The following TUT1 variants were observed in gnomAD, a reference collection of about 807,000 sequenced individuals.
The protein encoded by TUT1 is terminal uridylyl transferase 1, U6 snRNA-specific, also known as speckle targeted PIP5K1A-regulated poly(A) polymerase.
TUT1 carries 26 observed loss-of-function variants against 48.8 expected under a neutral mutation model. The observed-to-expected ratio is 0.53, with a 90% CI of 0.39 to 0.74. TUT1 has a LOEUF of 0.74. Ranked by LOEUF, TUT1 falls within the 30% of genes least tolerant of loss-of-function variation. TUT1 has a pLI of 0.00. For synonymous variants in TUT1, 470 were observed against 460.8 expected, an observed-to-expected ratio of 1.02 and a Z score of -0.26; for missense variants, 1,065 against 1,114.8, an observed-to-expected ratio of 0.96 and a Z score of 0.64.
At chr11:62,584,474 T>C (rs11231151) in intron 2 of TUT1, among the ~76,000 whole-genome samples, 38,032 of 146,974 alleles carry the variant, frequency 0.26, 5,849 homozygotes, top group Non-Finnish European at 0.36. Context: ...TGGAGTTTCG[T>C]TCTGTCACCC....
At chr11:62,580,017 G>A (rs1941800114) in intron 4 of TUT1, among the ~76,000 whole-genome samples, 2 of 152,102 alleles carry the variant, frequency 1.3e-5, no homozygotes, top group Non-Finnish European at 2.9e-5. Context: ...GCTTAAACCT[G>A]TAATCCCAAC....
rs760926046 is a variant in TUT1, at chr11:62,581,507, A to G, written c.468T>C (p.Ala156=). The G allele has an allele frequency of 4.8e-5, 78 of 1,614,082 alleles. No individual in the cohort carries two copies. The highest frequency in any genetic ancestry group is 6.4e-5 in the Non-Finnish European group (76 of 1,180,036). ...SHQLAKALAE[A]ADVGAQMIKL... ...TTATCATTTGTGCCCCCACGTCTGC[A>G]GCCTCAGCTAGCGCTTTGGCCAGCT... The change falls in exon 3 of 9, where the codon GCT becomes GCC. Residue 156 remains alanine, a synonymous_variant. Coordinates refer to ENST00000476907, the MANE Select transcript of TUT1 (RefSeq NM_022830.3).
intron 2 of TUT1, among the ~76,000 whole-genome samples, chr11:62,588,719 G>T (rs1941958321): frequency 6.6e-6 from 1 of 152,092 alleles, no homozygotes; most frequent in Non-Finnish European, 1.5e-5. Flanking sequence ...TCTTAAGACG[G>T]AGTCTTGCTC....
chr11:62,589,688 T>G (rs952304834), intron 1 of TUT1, among the ~76,000 whole-genome samples: 18 of 152,256 alleles, frequency 1.2e-4, no homozygotes, highest in African/African-American at 4.3e-4. Flanking sequence ...ACCACCTATT[T>G]GTGCTAGGTA....
chr11:62,575,272 C>T lies in TUT1; in HGVS notation c.2447G>A (p.Gly816Glu). Residue 816 changes from glycine to glutamate, a missense_variant, in exon 9 of 9, where the codon GGA (glycine) becomes GAA (glutamate). Coordinates refer to ENST00000476907, the MANE Select transcript of TUT1 (RefSeq NM_022830.3). ...TGGCCTCTCTTCGCCACCACTCAGT[C>T]CTTTCAGCTCCTGGGTGACCTGAGC... is the stretch of plus-strand genomic sequence containing the variant. ...TEAQVTQELK[G>E]LSGGEERPET... 1 of 1,614,196 alleles carries T rather than the reference C, an allele frequency of 6.2e-7. No individual in the cohort carries two copies. The highest frequency in any genetic ancestry group is 8.5e-7 in the Non-Finnish European group (1 of 1,180,022).
In TUT1 at chr11:62,575,801, T is replaced by TGG; in HGVS notation, c.1916_1917dup (p.Lys640ProfsTer25). The TGG allele has an allele frequency of 6.2e-7, 1 of 1,614,212 alleles. No homozygotes were observed. Among genetic ancestry groups the TGG allele is most frequent in the Non-Finnish European group, 8.5e-7 (1 of 1,180,042 alleles). ...CCACCTCCTTCTGACCGCGTTCTCT[T>TGG]GGTTGCCTGTTCTATATGGCACCCC... On this transcript the variant is annotated frameshift_variant, in exon 9 of 9. Coordinates refer to ENST00000476907, the MANE Select transcript of TUT1 (RefSeq NM_022830.3). LOFTEE classifies it low-confidence loss of function (END_TRUNC).
rs1323039919 is a variant in TUT1, at chr11:62,589,177, G to A, written c.127C>T (p.Leu43=). ...TTTCTCGCAGCTCGTAGTTCTACCA[G>A]GTGCCGGTGCTTTCTGCCTCCCAAG... ...AHLGGRKHRH[L]VELRAARKAQ... is the part of the protein sequence containing the mutation. The change falls in exon 2 of 9, where the codon CTG becomes TTG. Residue 43 remains leucine (L), a synonymous_variant. Transcript: ENST00000476907. The A allele has an allele frequency of 6.2e-7, 1 of 1,614,098 alleles. No homozygotes were observed. Among genetic ancestry groups the A allele is most frequent in the Non-Finnish European group, 8.5e-7 (1 of 1,180,050 alleles).
chr11:62,576,393 T>C, intron 8 of TUT1, 149 bp from the exon 9 acceptor site: 1 of 1,052,868 alleles, frequency 9.5e-7, no homozygotes. Flanking sequence ...CTGATCCCTA[T>C]AAACAAGAGG....
chr11:62,578,624 C>T lies in TUT1; in HGVS notation c.1097G>A (p.Arg366His). Residue 366 changes from arginine to histidine, a missense_variant, in exon 5 of 9, where the codon CGC becomes CAC. Arg to His is a conservative substitution (Grantham distance 29, BLOSUM62 0). Coordinates refer to ENST00000476907, the MANE Select transcript of TUT1 (RefSeq NM_022830.3). ...YRVQTVPSAR[R>H]PVVKFCHRPS... is the part of the protein sequence containing the mutation. Reference sequence around the variant, plus strand: ...CCGATGACAGAACTTGACCACAGGGCGCCGGGCAGAGGGCACAGTTTGGAC... The same window carrying T: ...CCGATGACAGAACTTGACCACAGGGTGCCGGGCAGAGGGCACAGTTTGGAC... 14 of 1,613,988 alleles carry T rather than the reference C, an allele frequency of 8.7e-6. No individual in the cohort carries two copies. The highest frequency in any genetic ancestry group is 1.1e-5 in the Non-Finnish European group (13 of 1,179,928).
At chr11:62,583,683 G>A (rs1165424366) in intron 2 of TUT1, among the ~76,000 whole-genome samples, 1 of 152,186 alleles carries the variant, frequency 6.6e-6, no homozygotes, top group Non-Finnish European at 1.5e-5. Context: ...TCCTCCAATG[G>A]TAAAGCTGGA....
Position 62,575,501 on chromosome 11 carries a change from GC to G in TUT1, c.2217del (p.Lys741ArgfsTer74). On this transcript the variant is annotated frameshift_variant, in exon 9 of 9. Coordinates refer to ENST00000476907, the MANE Select transcript of TUT1 (RefSeq NM_022830.3). LOFTEE classifies it low-confidence loss of function (END_TRUNC). ...QPSHAALAER[G>X]PKGHEAAQEW... Reference sequence around the variant, plus strand: ...TCTTGGGCTGCCTCATGTCCCTTGGGCCCCCGCTCTGCCAGGGCTGCGTGGC... The same window carrying G: ...TCTTGGGCTGCCTCATGTCCCTTGGGCCCCGCTCTGCCAGGGCTGCGTGGC... The G allele has an allele frequency of 1.9e-6, 3 of 1,612,718 alleles. No homozygotes were observed. The highest frequency in any genetic ancestry group is 1.7e-6 in the Non-Finnish European group (2 of 1,180,010).
Position 62,575,553 on chromosome 11 carries a change from T to C in TUT1, c.2166A>G (p.Gly722=). 1 of 1,613,942 alleles carries C rather than the reference T, an allele frequency of 6.2e-7. No homozygotes were observed. Among genetic ancestry groups the C allele is most frequent in the African/African-American group, 1.3e-5 (1 of 75,018 alleles). ...GDLPLTTGKH[G]APGEEGQPSH... The stretch of plus-strand genomic sequence containing the variant: ...TGGGCTGCCCCTCTTCTCCAGGGGC[T>C]CCATGCTTTCCAGTGGTCAGGGGCA... Residue 722 remains glycine (G), a synonymous_variant, in exon 9 of 9, where the codon GGA becomes GGG. Transcript: ENST00000476907.
chr11:62,584,744 C>T (rs2134312155), intron 2 of TUT1, among the ~76,000 whole-genome samples: 2 of 151,610 alleles, frequency 1.3e-5, no homozygotes, highest in South Asian at 4.2e-4. Context: ...CATGCCCAGC[C>T]AATTGTATAC....
intron 2 of TUT1, among the ~76,000 whole-genome samples, chr11:62,586,256 C>T (rs1008265466): frequency 2.6e-5 from 4 of 152,222 alleles, no homozygotes; most frequent in Non-Finnish European, 5.9e-5. Flanking sequence ...ATGTCTGAGG[C>T]TCATAAGACA....
Sources: gnomAD v4.1 joint callset for allele counts (sites outside exome capture counted in the v4.1 genomes callset) on GRCh38, gnomAD v4.1.1 for gene constraint, MANE v1.5 for transcripts, NCBI Gene and HGNC (gene_info 2026-07-23, HGNC 2026-07-21) for gene names.